The following CNTN4 variants were observed in gnomAD, a reference collection of about 807,000 sequenced individuals.
CNTN4 encodes the protein contactin-4.
A neutral mutation model predicts 122.5 loss-of-function variants in CNTN4; 77 were observed. The observed-to-expected ratio is 0.63, with a 90% confidence interval of 0.52 to 0.76. The LOEUF (loss-of-function observed/expected upper bound fraction) is 0.76. Ranked by LOEUF, CNTN4 falls within the 30% of genes least tolerant of loss-of-function variation. The probability of loss-of-function intolerance (pLI) is 0.00; values close to 1 mark genes in which losing one functional copy is unlikely to be tolerated. For missense variants in CNTN4, 1,256 were observed against 1,259.1 expected (o/e 1.00, Z 0.04); for synonymous variants, 512 against 447.0 (o/e 1.15, Z -1.83).
chr3:2,185,873 A>G (rs2037228627), intron 2 of CNTN4, among the ~76,000 whole-genome samples: 1 of 152,054 alleles, frequency 6.6e-6, no homozygotes, highest in Non-Finnish European at 1.5e-5. Context: ...CATAGCCTTA[A>G]TTATAACATA....
At chr3:2,351,848 C>A (rs1367163414) in intron 3 of CNTN4, among the ~76,000 whole-genome samples, 1 of 151,834 alleles carries the variant, frequency 6.6e-6, no homozygotes, top group South Asian at 2.1e-4. Context: ...GATTGTTGGT[C>A]AAAAGGTACA....
intron 7 of CNTN4, among the ~76,000 whole-genome samples, chr3:2,836,464 A>G (rs1018926609): frequency 3.3e-5 from 5 of 152,140 alleles, no homozygotes; most frequent in Non-Finnish European, 1.5e-5. Context: ...TGTAGGCACT[A>G]TTTTAAAAGT....
At chr3:2,258,650 C>G (rs1408514853) in intron 2 of CNTN4, among the ~76,000 whole-genome samples, 1 of 152,134 alleles carries the variant, frequency 6.6e-6, no homozygotes, top group East Asian at 1.9e-4. Flanking sequence ...TCCTGAATTG[C>G]AAATCCTGTA....
intron 4 of CNTN4, among the ~76,000 whole-genome samples, chr3:2,665,204 G>A (rs1304223218): frequency 1.3e-5 from 2 of 152,188 alleles, no homozygotes; most frequent in African/African-American, 2.4e-5. Flanking sequence ...AGATGGTCTT[G>A]CATCATTCTT....
intron 2 of CNTN4, among the ~76,000 whole-genome samples, chr3:2,142,065 C>T (rs975847524): frequency 4.6e-5 from 7 of 152,126 alleles, no homozygotes; most frequent in South Asian, 2.1e-4. Context: ...TGATTTCTGT[C>T]GTAGGCATAT....
intron 3 of CNTN4, among the ~76,000 whole-genome samples, chr3:2,350,389 T>C (rs754022617): frequency 4.0e-5 from 6 of 151,798 alleles, no homozygotes; most frequent in Non-Finnish European, 7.4e-5. Context: ...GGGAGAAAAA[T>C]AACAGGAAAA....
At chr3:2,225,075 G>A (rs192386200) in intron 2 of CNTN4, among the ~76,000 whole-genome samples, 14 of 151,702 alleles carry the variant, frequency 9.2e-5, no homozygotes, top group Middle Eastern at 3.4e-3. Flanking sequence ...GCGTGAACCC[G>A]GGAGGTAGAG....
At chr3:2,252,871 T>C (rs916793162) in intron 2 of CNTN4, among the ~76,000 whole-genome samples, 1 of 152,278 alleles carries the variant, frequency 6.6e-6, no homozygotes, top group African/African-American at 2.4e-5. Context: ...TTAATACTTC[T>C]TTGCTTTTTG....
chr3:2,154,393 A>T, intron 2 of CNTN4, among the ~76,000 whole-genome samples: 1 of 152,054 alleles, frequency 6.6e-6, no homozygotes, highest in Non-Finnish European at 1.5e-5. Context: ...AAAAAAAAAA[A>T]TAAAAGTGGA....
rs147909013 is a variant in CNTN4, at chr3:2,626,521, C to G, written c.55+54963C>G. On this transcript the variant is annotated intron_variant, in intron 4 of 24. Transcript: ENST00000418658. ...CAAAAAAAAAACAACAAAAAACAAA[C>G]AAAATCCACAATCTATTTTTCATAT... 3.1e-4 allele frequency among the ~76,000 whole-genome samples: 46 copies of G among 150,494 alleles called. 1 individual carries two copies. Among genetic ancestry groups the G allele is most frequent in the African/African-American group, 1.1e-3 (45 of 41,174 alleles).
intron 2 of CNTN4, among the ~76,000 whole-genome samples, chr3:2,270,844 G>A (rs989647892): frequency 2.6e-5 from 4 of 152,086 alleles, no homozygotes; most frequent in African/African-American, 9.7e-5. Context: ...GCTGCCTCCC[G>A]ATGTGCAGTT....
intron 9 of CNTN4, among the ~76,000 whole-genome samples, chr3:2,884,164 C>G (rs185305571): frequency 6.6e-6 from 1 of 151,956 alleles, no homozygotes; most frequent in African/African-American, 2.4e-5. Context: ...GTCTTGGACT[C>G]CTGGCCTCAA....
chr3:2,354,398 G>A (rs995659176), intron 3 of CNTN4, among the ~76,000 whole-genome samples: 3 of 152,140 alleles, frequency 2.0e-5, no homozygotes, highest in African/African-American at 7.2e-5. Flanking sequence ...AGGTGTGGTG[G>A]CAGGTGCCTG....
At chr3:2,145,300 A>G (rs1410265117) in intron 2 of CNTN4, among the ~76,000 whole-genome samples, 3 of 152,202 alleles carry the variant, frequency 2.0e-5, no homozygotes, top group Admixed American at 2.0e-4. Flanking sequence ...CACATTTATC[A>G]TACCACAGTG....
chr3:3,041,132 A>C (rs928418006), intron 20 of CNTN4: 1 of 152,254 alleles, frequency 6.6e-6, no homozygotes, highest in Admixed American at 6.5e-5. Context: ...GATGATGCTC[A>C]GAATGGGACC....
At chr3:2,749,958 G>A (rs1438396575) in intron 6 of CNTN4, among the ~76,000 whole-genome samples, 1 of 151,872 alleles carries the variant, frequency 6.6e-6, no homozygotes, top group Non-Finnish European at 1.5e-5. Flanking sequence ...ACTCATTGAA[G>A]GAAAAAAAAA....
At chr3:2,880,565 CTTTG>C (rs2150962179) in intron 8 of CNTN4, among the ~76,000 whole-genome samples, 1 of 152,292 alleles carries the variant, frequency 6.6e-6, no homozygotes, top group African/African-American at 2.4e-5. Context: ...ACCAGGCCAG[CTTTG>C]TGCAGATGCT....
rs746657018 is a variant in CNTN4 at position 2,849,986 on chromosome 3, C to CTTTTTTTTTTTTTTTTTTTTTTT, written c.455-16758_455-16757insTTTTTTTTTTTTTTTTTTTTTTT. Among the ~76,000 whole-genome samples, 3 of 140,698 alleles carry CTTTTTTTTTTTTTTTTTTTTTTT rather than the reference C, an allele frequency of 2.1e-5. 1 individual carries two copies. The highest frequency in any genetic ancestry group is 4.5e-4 in the South Asian group (2 of 4,408). The allele number at this position is 140,698 out of a possible 152,430, so 92.3% of individuals were successfully genotyped here. On this transcript the variant is annotated intron_variant, in intron 7 of 24. Coordinates refer to ENST00000418658, the MANE Select transcript of CNTN4 (RefSeq NM_175607.3). ...CCATTTTGGAAAATGTTAGCAATCA[C>CTTTTTTTTTTTTTTTTTTTTTTT]TTTTTTTTCTTTTTTTTTTCTGAGA... is the stretch of plus-strand genomic sequence containing the variant.
chr3:2,800,562 T>A lies in CNTN4; in HGVS notation c.359-18924T>A, dbSNP rs1184314228. On this transcript the variant is annotated intron_variant, in intron 6 of 24. Coordinates refer to ENST00000418658, the MANE Select transcript of CNTN4 (RefSeq NM_175607.3). The stretch of plus-strand genomic sequence containing the variant: ...TTGCAACTTTCATTTCTTAGTTCTC[T>A]GCCAGACATGTAATAAGCAATCATT... Among the ~76,000 whole-genome samples, 6 of 152,214 alleles carry A rather than the reference T, an allele frequency of 3.9e-5. No homozygotes were observed. The East Asian group carries it at 1.2e-3, about 29-fold the overall frequency.
Sources: allele counts gnomAD v4.1 joint callset (sites outside exome capture counted in the v4.1 genomes callset), GRCh38; gene constraint gnomAD v4.1.1; transcripts MANE v1.5; gene names NCBI Gene and HGNC (gene_info 2026-07-23, HGNC 2026-07-21).